LARP1B: variants seen among roughly 807,000 people sequenced by gnomAD.
LARP1B encodes the protein la-related protein 1B.
A neutral mutation model predicts 114.2 loss-of-function variants in LARP1B; 76 were observed. The ratio of observed to expected loss-of-function variants is 0.67; its 90% CI spans 0.55 to 0.81. LARP1B has a LOEUF of 0.81. LARP1B is among the 30% of genes least tolerant of loss of function. The pLI, the probability that LARP1B is intolerant of heterozygous loss-of-function variation, is 0.00. For missense variants in LARP1B, 1,014 were observed against 1,075.8 expected (o/e 0.94, Z 0.80); for synonymous variants, 345 against 348.0 (o/e 0.99, Z 0.10).
At chr4:128,127,741 G>A (rs1273737052) in intron 11 of LARP1B, among the ~76,000 whole-genome samples, 1 of 152,188 alleles carries the variant, frequency 6.6e-6, no homozygotes, top group Admixed American at 6.5e-5. Context: ...GCTGAGGCAG[G>A]GGAATTGCTT....
intron 11 of LARP1B, among the ~76,000 whole-genome samples, chr4:128,125,481 C>T (rs1318857228): frequency 6.6e-6 from 1 of 152,268 alleles, no homozygotes; most frequent in East Asian, 1.9e-4. Context: ...GGCGCAGTGG[C>T]TCACGCCTGT....
At chr4:128,155,620 C>T in intron 11 of LARP1B, 1 of 1,251,242 alleles carries the variant, frequency 8.0e-7, no homozygotes, top group East Asian at 2.3e-5. Context: ...CCCCCTACAA[C>T]CCCAGCCAGG....
chr4:128,176,269 A>ATATG (rs1476179262), intron 12 of LARP1B, among the ~76,000 whole-genome samples: 2 of 114,022 alleles, frequency 1.8e-5, no homozygotes, highest in Admixed American at 8.7e-5. Flanking sequence ...ATATACACAT[A>ATATG]TGTGTGTGTG....
chr4:128,187,242 C>T (rs1750672136), intron 15 of LARP1B, among the ~76,000 whole-genome samples: 2 of 152,206 alleles, frequency 1.3e-5, no homozygotes, highest in African/African-American at 4.8e-5. Flanking sequence ...TCCTCAGCCT[C>T]GAAAAGCCAC....
chr4:128,213,371 T>C (rs956008030), downstream of LARP1B, among the ~76,000 whole-genome samples: 1 of 152,176 alleles, frequency 6.6e-6, no homozygotes, highest in Non-Finnish European at 1.5e-5. Context: ...AAATACCCCT[T>C]ACGTTTTCCT....
intron 9 of LARP1B, 93 bp from the exon 10 acceptor site, chr4:128,114,477 A>G: frequency 1.1e-6 from 1 of 930,482 alleles, no homozygotes; most frequent in Non-Finnish European, 1.6e-6. Flanking sequence ...TTGTGAAAAA[A>G]TATCAAGCCC....
intron 11 of LARP1B, among the ~76,000 whole-genome samples, chr4:128,139,754 T>C (rs1034371913): frequency 2.0e-5 from 3 of 152,168 alleles, no homozygotes; most frequent in African/African-American, 7.2e-5. Flanking sequence ...CATGAAAAGA[T>C]GTTCAACATT....
intron 11 of LARP1B, among the ~76,000 whole-genome samples, chr4:128,139,814 T>C (rs145677443): frequency 3.3e-5 from 5 of 152,352 alleles, no homozygotes; most frequent in African/African-American, 1.2e-4. Flanking sequence ...ATAAAACTTA[T>C]ATTAGCAATG....
intron 7 of LARP1B, among the ~76,000 whole-genome samples, chr4:128,093,863 A>T (rs1308075421): frequency 6.6e-6 from 1 of 151,670 alleles, no homozygotes; most frequent in African/African-American, 2.4e-5. Flanking sequence ...GGCATATGCC[A>T]CCACGCCCAG....
chr4:128,129,022 A>G (rs6820831), intron 11 of LARP1B, among the ~76,000 whole-genome samples: 89,726 of 151,452 alleles, frequency 0.59, 27,690 homozygotes, highest in Middle Eastern at 0.8. Flanking sequence ...AAAATTAGCC[A>G]GGCGTGATGG....
intron 10 of LARP1B, among the ~76,000 whole-genome samples, chr4:128,116,137 AAG>A (rs1348420302): frequency 6.6e-6 from 1 of 152,202 alleles, no homozygotes; most frequent in Non-Finnish European, 1.5e-5. Context: ...TATTTATAAA[AAG>A]AGAAATAGGA....
intron 11 of LARP1B, among the ~76,000 whole-genome samples, chr4:128,159,987 T>G (rs1167708463): frequency 6.6e-6 from 1 of 152,198 alleles, no homozygotes; most frequent in Non-Finnish European, 1.5e-5. Context: ...GCAGAATGGA[T>G]TTCTTAAAAA....
chr4:128,068,572 A>C (rs1371096907), intron 1 of LARP1B, among the ~76,000 whole-genome samples: 1 of 151,848 alleles, frequency 6.6e-6, no homozygotes. Context: ...TCTTGAACTC[A>C]AGCTATTTTT....
At chr4:128,167,242 A>G (rs1741521516) in intron 12 of LARP1B, among the ~76,000 whole-genome samples, 1 of 151,898 alleles carries the variant, frequency 6.6e-6, no homozygotes, top group South Asian at 2.1e-4. Context: ...AGGTGTACCC[A>G]GAAGAGGGAC....
chr4:128,133,739 C>T (rs1384558927), intron 11 of LARP1B, among the ~76,000 whole-genome samples: 2 of 152,106 alleles, frequency 1.3e-5, no homozygotes, highest in Non-Finnish European at 1.5e-5. Context: ...TCTTGTTGCC[C>T]AGGCTAGAGT....
intron 12 of LARP1B, among the ~76,000 whole-genome samples, chr4:128,166,700 G>A (rs1246268163): frequency 1.3e-5 from 2 of 150,882 alleles, no homozygotes; most frequent in Admixed American, 6.6e-5. Flanking sequence ...CTGCAACTTG[G>A]TATTTTTTTA....
intron 11 of LARP1B, among the ~76,000 whole-genome samples, chr4:128,153,422 T>A (rs1408266778): frequency 6.6e-6 from 1 of 151,866 alleles, no homozygotes; most frequent in Non-Finnish European, 1.5e-5. Context: ...ATTCAAGCGA[T>A]TCTTCTGCCT....
chr4:128,177,040 A>G, intron 13 of LARP1B, 133 bp downstream of exon 13: 1 of 810,296 alleles, frequency 1.2e-6, no homozygotes, highest in Non-Finnish European at 2.1e-6. Flanking sequence ...CAGGACTGAC[A>G]GTTTGGTGCT....
intron 8 of LARP1B, among the ~76,000 whole-genome samples, chr4:128,099,643 G>T (rs1375149556): frequency 6.6e-6 from 1 of 151,816 alleles, no homozygotes; most frequent in Admixed American, 6.6e-5. Context: ...TCACTTGTTG[G>T]TGGACATTCA....
Sources: allele counts gnomAD v4.1 joint callset (sites outside exome capture counted in the v4.1 genomes callset), GRCh38; gene constraint gnomAD v4.1.1; transcripts MANE v1.5; gene names NCBI Gene and HGNC (gene_info 2026-07-23, HGNC 2026-07-21).